Variants in AUNIP observed in about 807,000 individuals in gnomAD.
AUNIP encodes aurora kinase A- and ninein-interacting protein.
AUNIP carries 16 observed loss-of-function variants against 12.2 expected under a neutral mutation model. The observed-to-expected ratio is 1.31, with a 90% CI of 0.88 to 1.99. The LOEUF is 1.99. Ranked by LOEUF, AUNIP falls within the 30% of genes most tolerant of loss-of-function variation. The probability of loss-of-function intolerance (pLI) is 0.00; values close to 1 mark genes in which losing one functional copy is unlikely to be tolerated. For synonymous variants in AUNIP, 142 were observed against 154.8 expected (o/e 0.92, Z 0.61); for missense variants, 411 against 419.1 (o/e 0.98, Z 0.17).
chr1:25,834,868 G>T lies in AUNIP; in HGVS notation c.*125C>A. The T allele has an allele frequency of 6.6e-7, 1 of 1,505,788 alleles. No homozygotes were observed. The highest frequency in any genetic ancestry group is 8.8e-7 in the Non-Finnish European group (1 of 1,135,436). 93.3% of individuals were successfully genotyped at this position (1,505,788 alleles called of 1,614,324 possible). A position where few individuals can be genotyped will look rare whatever the true frequency, so the allele number is the denominator to read the frequency against. ...TTTATTTACACAGAGAAGATGCTCA[G>T]TAATGACAACTTCATCCCATGCCAC... On this transcript the variant is annotated 3_prime_UTR_variant, in exon 3 of 3. Coordinates refer to ENST00000374298, the MANE Select transcript of AUNIP (RefSeq NM_024037.3).
At chr1:25,857,659 T>G in intron 1 of AUNIP, among the ~76,000 whole-genome samples, 2 of 149,396 alleles carry the variant, frequency 1.3e-5, no homozygotes, top group Non-Finnish European at 1.5e-5. Context: ...GGTCAGGAGT[T>G]CAAGACCAGC....
rs772309053 is a variant in AUNIP at position 25,837,460 on chromosome 1, G to T, written c.173C>A (p.Thr58Lys). ...IYFTQRRAPS[T>K]GIHQRSIASF... The stretch of plus-strand genomic sequence containing the variant: ...AGCAATGCTTCTCTGGTGAATGCCT[G>T]TAGATGGAGCTCTTCTTTGAGTAAA... Residue 58 changes from threonine (T) to lysine (K), a missense_variant, in exon 2 of 3, where the codon ACA becomes AAA. By Grantham distance (78) the Thr-to-Lys change is moderately conservative. Transcript: ENST00000374298. The T allele has an allele frequency of 6.2e-7, 1 of 1,614,060 alleles. No homozygotes were observed. The highest frequency in any genetic ancestry group is 1.1e-5 in the South Asian group (1 of 91,076).
chr1:25,858,709 C>A (rs186508566), intron 1 of AUNIP, among the ~76,000 whole-genome samples: 1 of 152,152 alleles, frequency 6.6e-6, no homozygotes, highest in African/African-American at 2.4e-5. Flanking sequence ...ACACATATAA[C>A]GCATATTCAG....
At chr1:25,841,806 G>A (rs1192256766) in intron 1 of AUNIP, among the ~76,000 whole-genome samples, 2 of 152,182 alleles carry the variant, frequency 1.3e-5, no homozygotes, top group South Asian at 2.1e-4. Flanking sequence ...TTACAGGCGT[G>A]AGCCACTGCG....
At chr1:25,848,163 A>G (rs2048397579) in intron 1 of AUNIP, among the ~76,000 whole-genome samples, 1 of 152,022 alleles carries the variant, frequency 6.6e-6, no homozygotes. Flanking sequence ...ATTTCCAACA[A>G]CATAGCACTA....
At chr1:25,842,498 A>G (rs960669567) in intron 1 of AUNIP, among the ~76,000 whole-genome samples, 3 of 152,272 alleles carry the variant, frequency 2.0e-5, no homozygotes, top group African/African-American at 7.2e-5. Context: ...AGCTGCAATA[A>G]GTTATCCAGA....
At chr1:25,848,148 C>T (rs1218082717) in intron 1 of AUNIP, among the ~76,000 whole-genome samples, 1 of 152,042 alleles carries the variant, frequency 6.6e-6, no homozygotes, top group Non-Finnish European at 1.5e-5. Context: ...AAACGCCTTC[C>T]ATCAATTTCC....
At position 25,834,199 on chromosome 1, in the gene AUNIP, T is replaced by C; in HGVS notation, c.*794A>G. ...AAAATAAAATAGGAAACTAGCACCATTCTACCTCTCTTCTCTCCACACCTG... is the reference window on the plus strand; with the variant it reads ...AAAATAAAATAGGAAACTAGCACCACTCTACCTCTCTTCTCTCCACACCTG... On this transcript the variant is annotated 3_prime_UTR_variant, in exon 3 of 3. Coordinates refer to ENST00000374298, the MANE Select transcript of AUNIP (RefSeq NM_024037.3). 5.1e-6 allele frequency: 5 copies of C among 985,346 alleles called. No homozygotes were observed. Among genetic ancestry groups the C allele is most frequent in the Non-Finnish European group, 6.0e-6 (5 of 829,914 alleles). The allele number at this position is 985,346 out of a possible 1,614,324, so 61.0% of individuals were successfully genotyped here. A position where few individuals can be genotyped will look rare whatever the true frequency, so the allele number is the denominator to read the frequency against.
chr1:25,846,180 G>A (rs991308163), intron 1 of AUNIP, among the ~76,000 whole-genome samples: 2 of 152,192 alleles, frequency 1.3e-5, no homozygotes, highest in African/African-American at 4.8e-5. Context: ...AGCACTTTGG[G>A]AGGTCAAGGC....
downstream of AUNIP, among the ~76,000 whole-genome samples, chr1:25,833,731 G>C (rs1471844949): frequency 6.6e-6 from 1 of 151,790 alleles, no homozygotes; most frequent in Non-Finnish European, 1.5e-5. Flanking sequence ...TCCAGCCTGG[G>C]CAAGAGAGCG....
intron 1 of AUNIP, among the ~76,000 whole-genome samples, chr1:25,853,150 T>C (rs1347335336): frequency 6.6e-6 from 1 of 152,232 alleles, no homozygotes; most frequent in East Asian, 1.9e-4. Context: ...ACCTGGTTTA[T>C]AGTATTGTTC....
intron 1 of AUNIP, among the ~76,000 whole-genome samples, chr1:25,840,580 G>A (rs1232016920): frequency 6.6e-6 from 1 of 152,106 alleles, no homozygotes; most frequent in Non-Finnish European, 1.5e-5. Context: ...TTCCCATCAA[G>A]TGTTATGAAG....
At position 25,834,443 on chromosome 1, in the gene AUNIP, G is replaced by A. The variant is rs1046598547; in HGVS notation, c.*550C>T. The A allele has an allele frequency of 1.8e-5, 15 of 812,210 alleles. No individual in the cohort carries two copies. In the Admixed American group the frequency reaches 1.9e-4, roughly 10 times the overall value. The allele number at this position is 812,210 out of a possible 1,614,324, so 50.3% of individuals were successfully genotyped here. A position where few individuals can be genotyped will look rare whatever the true frequency, so the allele number is the denominator to read the frequency against. On this transcript the variant is annotated 3_prime_UTR_variant, in exon 3 of 3. Transcript: ENST00000374298. ...ATCCTGGCTAATATGGTGAAACCTC[G>A]TCTCTACTAAAAATCCAAAAAAAAT...
At chr1:25,850,460 G>A (rs2048418046) in intron 1 of AUNIP, among the ~76,000 whole-genome samples, 1 of 152,122 alleles carries the variant, frequency 6.6e-6, no homozygotes, top group African/African-American at 2.4e-5. Flanking sequence ...GTCAGTATCT[G>A]CAAAAAGGAC....
In AUNIP at chr1:25,835,142, C is replaced by T. The variant is rs553912309; in HGVS notation, c.925G>A (p.Val309Ile). 6.2e-7 allele frequency: 1 copy of T among 1,614,216 alleles called. No individual in the cohort carries two copies. Among genetic ancestry groups the T allele is most frequent in the Admixed American group, 1.7e-5 (1 of 60,036 alleles). Residue 309 changes from valine to isoleucine, a missense_variant, in exon 3 of 3, where the codon GTA (valine) becomes ATA (isoleucine). Coordinates refer to ENST00000374298, the MANE Select transcript of AUNIP (RefSeq NM_024037.3). Reference sequence around the variant, plus strand: ...AAGTCCCAATTCCAGTTATTGGTTACATCTTGAAAAGGAGCTCTAGTGTTG... The same window carrying T: ...AAGTCCCAATTCCAGTTATTGGTTATATCTTGAAAAGGAGCTCTAGTGTTG... The part of the protein sequence containing the change: ...AHNTRAPFQD[V>I]TNNWNWDLGP...
At chr1:25,853,801 C>T (rs1198248424) in intron 1 of AUNIP, among the ~76,000 whole-genome samples, 2 of 152,238 alleles carry the variant, frequency 1.3e-5, no homozygotes, top group East Asian at 3.9e-4. Context: ...TAACAGGCTT[C>T]ATGTAGCAAC....
At chr1:25,857,247 AT>A (rs71004545) in intron 1 of AUNIP, among the ~76,000 whole-genome samples, 50,390 of 125,036 alleles carry the variant, frequency 0.4, 9,411 homozygotes, top group South Asian at 0.67. Flanking sequence ...GCACATTTTG[AT>A]TTTTTTTTTT....
chr1:25,837,712 C>T lies in AUNIP; in HGVS notation c.79-158G>A, dbSNP rs2048314802. ...GGTAGTTGGTGCTGGACATCATCTT[C>T]CATTTCCAGCCATTGTAACGGTGTT... is the stretch of plus-strand genomic sequence containing the variant. On this transcript the variant is annotated intron_variant, in intron 1 of 2. Transcript: ENST00000374298. Among the ~76,000 whole-genome samples, 5 of 152,136 alleles carry T rather than the reference C, an allele frequency of 3.3e-5. No homozygotes were observed. The South Asian group carries it at 1.0e-3, about 32-fold the overall frequency.
intron 1 of AUNIP, among the ~76,000 whole-genome samples, chr1:25,845,978 A>C (rs1273655399): frequency 2.0e-5 from 3 of 152,222 alleles, no homozygotes. Flanking sequence ...TATTGCAGGA[A>C]TCTTCTCGAG....
Sources: allele counts gnomAD v4.1 joint callset (sites outside exome capture counted in the v4.1 genomes callset), GRCh38; gene constraint gnomAD v4.1.1; transcripts MANE v1.5; gene names NCBI Gene and HGNC (gene_info 2026-07-23, HGNC 2026-07-21).